PRIMPOL: variants seen among roughly 807,000 people sequenced by gnomAD.
PRIMPOL encodes the protein primase and DNA directed polymerase.
In PRIMPOL, 54 loss-of-function variants were observed where a neutral mutation model predicts 63.6. The observed-to-expected ratio is 0.85, with a 90% confidence interval of 0.68 to 1.07. The LOEUF is 1.07. PRIMPOL is among the 50% of genes least tolerant of loss of function. The probability of loss-of-function intolerance (pLI) is 0.00; values close to 1 mark genes in which losing one functional copy is unlikely to be tolerated. For missense variants in PRIMPOL, 610 were observed against 648.3 expected (o/e 0.94, Z 0.64); for synonymous variants, 197 against 220.2 (o/e 0.89, Z 0.93).
intron 7 of PRIMPOL, among the ~76,000 whole-genome samples, chr4:184,673,700 G>A (rs145631827): frequency 2.6e-5 from 4 of 152,316 alleles, no homozygotes; most frequent in Non-Finnish European, 4.4e-5. Context: ...TGGGATTACA[G>A]GTGTGAGCCA....
rs575848211 is a variant in PRIMPOL at position 184,677,200 on chromosome 4, G to A, written c.845-1032G>A. On this transcript the variant is annotated intron_variant, in intron 7 of 13. Transcript: ENST00000314970. Reference sequence around the variant, plus strand: ...CTGCTATGTTGCCCAGGCCTCAAGCGATCCTCCTGTTGTGGCCTCCCATAA... The same window carrying A: ...CTGCTATGTTGCCCAGGCCTCAAGCAATCCTCCTGTTGTGGCCTCCCATAA... Among the ~76,000 whole-genome samples, 3 of 151,348 alleles carry A rather than the reference G, an allele frequency of 2.0e-5. No individual in the cohort carries two copies. In the South Asian group the frequency reaches 6.3e-4, roughly 32 times the overall value.
At position 184,654,452 on chromosome 4, in the gene PRIMPOL, A is replaced by AGTTTTTTTTTTTG. The variant is rs1553985953; in HGVS notation, c.-60+2364_-60+2365insGGTTTTTTTTTTT. Among the ~76,000 whole-genome samples the AGTTTTTTTTTTTG allele has an allele frequency of 6.3e-5, 8 of 126,576 alleles. 1 individual carries two copies. Among genetic ancestry groups the AGTTTTTTTTTTTG allele is most frequent in the Non-Finnish European group, 1.1e-4 (7 of 61,502 alleles). 83.0% of individuals were successfully genotyped at this position (126,576 alleles called of 152,430 possible). A position where few individuals can be genotyped will look rare whatever the true frequency, so the allele number is the denominator to read the frequency against. Reference sequence around the variant, plus strand: ...TCACTTTGTATTGACAAGTTAAAGCAGTTTTTTTTTTTTTTTGAGACAGAG... The same window carrying AGTTTTTTTTTTTG: ...TCACTTTGTATTGACAAGTTAAAGCAGTTTTTTTTTTTGGTTTTTTTTTTTTTTTGAGACAGAG... On this transcript the variant is annotated intron_variant, in intron 2 of 13. Transcript: ENST00000314970.
At chr4:184,659,757 A>C (rs1174507349) in intron 4 of PRIMPOL, among the ~76,000 whole-genome samples, 1 of 152,166 alleles carries the variant, frequency 6.6e-6, no homozygotes, top group Non-Finnish European at 1.5e-5. Context: ...CTAGTAATGA[A>C]ATATCTGCTT....
In PRIMPOL at chr4:184,691,581, TG is replaced by T; in HGVS notation, c.1378+1del. The T allele has an allele frequency of 6.2e-7, 1 of 1,604,796 alleles. No individual in the cohort carries two copies. The highest frequency in any genetic ancestry group is 8.5e-7 in the Non-Finnish European group (1 of 1,172,638). ...TAAAGCAGAAAACTTCAAATCTGACTGTAAGTTACTAATTTTTACATTTACC... is the reference window on the plus strand; with the variant it reads ...TAAAGCAGAAAACTTCAAATCTGACTTAAGTTACTAATTTTTACATTTACC... On this transcript the variant is annotated splice_donor_variant, in intron 12 of 13. Transcript: ENST00000314970. LOFTEE classifies it high-confidence loss of function.
intron 2 of PRIMPOL, among the ~76,000 whole-genome samples, chr4:184,653,566 G>A (rs1471596520): frequency 6.6e-6 from 1 of 152,190 alleles, no homozygotes; most frequent in Non-Finnish European, 1.5e-5. Context: ...TGGCCAGGCT[G>A]GTCTCGAACT....
chr4:184,694,854 T>C lies in PRIMPOL; in HGVS notation c.*75T>C. ...CTGTGAGATTTGATAAATATATCATTCAACCTGTTTATATAAACTAAGTTT... is the reference window on the plus strand; with the variant it reads ...CTGTGAGATTTGATAAATATATCATCCAACCTGTTTATATAAACTAAGTTT... On this transcript the variant is annotated 3_prime_UTR_variant, in exon 14 of 14. Transcript: ENST00000314970. The C allele has an allele frequency of 2.0e-5, 25 of 1,270,844 alleles. No individual in the cohort carries two copies. Among genetic ancestry groups the C allele is most frequent in the Non-Finnish European group, 2.7e-5 (24 of 905,560 alleles). 78.7% of individuals were successfully genotyped at this position (1,270,844 alleles called of 1,614,324 possible).
At chr4:184,677,738 A>AT (rs543284692) in intron 7 of PRIMPOL, among the ~76,000 whole-genome samples, 92 of 152,334 alleles carry the variant, frequency 6.0e-4, no homozygotes, top group Non-Finnish European at 7.8e-4. Context: ...GAGAACTGAC[A>AT]TTTTTATAAT....
In PRIMPOL at chr4:184,666,472, A is replaced by G. The variant is rs532509564; in HGVS notation, c.556+408A>G. 2.6e-5 allele frequency among the ~76,000 whole-genome samples: 4 copies of G among 152,306 alleles called. No individual in the cohort carries two copies. In the East Asian group the frequency reaches 7.7e-4, roughly 29 times the overall value. ...AGTGAGACCCTGTCTCAAAAAAAATAATGGCAATGTGTTTCTTCATGTTTT... is the reference window on the plus strand; with the variant it reads ...AGTGAGACCCTGTCTCAAAAAAAATGATGGCAATGTGTTTCTTCATGTTTT... On this transcript the variant is annotated intron_variant, in intron 6 of 13. Transcript: ENST00000314970.
intron 5 of PRIMPOL, 35 bp from the exon 6 acceptor site, chr4:184,665,882 A>C (rs751208138): frequency 7.0e-7 from 1 of 1,431,670 alleles, no homozygotes; most frequent in South Asian, 1.4e-5. Flanking sequence ...TAAAACAAAA[A>C]ATATAAATTA....
chr4:184,665,795 A>G (rs775638039), intron 5 of PRIMPOL, 122 bp from the exon 6 acceptor site: 4 of 592,384 alleles, frequency 6.8e-6, no homozygotes, highest in African/African-American at 1.9e-5. Context: ...ATGAGCCACC[A>G]CGCCTGATCA....
intron 11 of PRIMPOL, 136 bp from the exon 12 acceptor site, chr4:184,691,363 C>A: frequency 1.6e-6 from 1 of 618,530 alleles, no homozygotes; most frequent in Non-Finnish European, 2.8e-6. Context: ...TGGTATGTAT[C>A]TATCCTTATC....
At chr4:184,669,123 T>C (rs1466064915) in intron 6 of PRIMPOL, among the ~76,000 whole-genome samples, 1 of 152,196 alleles carries the variant, frequency 6.6e-6, no homozygotes, top group African/African-American at 2.4e-5. Context: ...TTTAGGGACT[T>C]GTCCTAAGGC....
At chr4:184,673,714 C>T (rs891406089) in intron 7 of PRIMPOL, among the ~76,000 whole-genome samples, 20 of 152,296 alleles carry the variant, frequency 1.3e-4, no homozygotes, top group South Asian at 1.0e-3. Flanking sequence ...TGAGCCACTG[C>T]GCCCGCCAGA....
In PRIMPOL at chr4:184,694,825, A is replaced by C; in HGVS notation, c.*46A>C. ...TTGTCACCAGGCTATAATTTGCCTG[A>C]TGTCTGTGAGATTTGATAAATATAT... On this transcript the variant is annotated 3_prime_UTR_variant, in exon 14 of 14. Transcript: ENST00000314970. The C allele has an allele frequency of 6.7e-7, 1 of 1,486,228 alleles. No homozygotes were observed. The allele number at this position is 1,486,228 out of a possible 1,614,324, so 92.1% of individuals were successfully genotyped here. A position where few individuals can be genotyped will look rare whatever the true frequency, so the allele number is the denominator to read the frequency against.
chr4:184,666,450 G>A (rs1227277642), intron 6 of PRIMPOL, among the ~76,000 whole-genome samples: 1 of 152,166 alleles, frequency 6.6e-6, no homozygotes, highest in Non-Finnish European at 1.5e-5. Flanking sequence ...GCAACAGAGT[G>A]AGACCCTGTC....
chr4:184,666,009 C>T lies in PRIMPOL; in HGVS notation c.501C>T (p.Ser167=), dbSNP rs1164496861. 4 of 1,608,860 alleles carry T rather than the reference C, an allele frequency of 2.5e-6. No individual in the cohort carries two copies. Among genetic ancestry groups the T allele is most frequent in the South Asian group, 1.1e-5 (1 of 90,618 alleles). ...ATTCTAGCACTGATGAAAAATTCAG[C>T]CGGCATTTAATATTTCAGCTCCATG... ...NLDSSTDEKF[S]RHLIFQLHDV... is the part of the protein sequence containing the mutation. The change falls in exon 6 of 14, where the codon AGC becomes AGT. Residue 167 remains serine (S), a synonymous_variant. Coordinates refer to ENST00000314970, the MANE Select transcript of PRIMPOL (RefSeq NM_152683.4).
intron 3 of PRIMPOL, 32 bp from the exon 4 acceptor site, chr4:184,659,308 A>G (rs1287844109): frequency 6.4e-7 from 1 of 1,556,978 alleles, no homozygotes; most frequent in Non-Finnish European, 8.9e-7. Flanking sequence ...CATTTTGTGA[A>G]TTTTTCTGAA....
At chr4:184,682,432 T>C in intron 9 of PRIMPOL, 96 bp downstream of exon 9, 1 of 637,462 alleles carries the variant, frequency 1.6e-6, no homozygotes, top group South Asian at 1.9e-5. Context: ...CACTGCAGCC[T>C]CCTCCTCCCA....
intron 8 of PRIMPOL, among the ~76,000 whole-genome samples, chr4:184,681,724 G>T (rs1755679532): frequency 6.6e-6 from 1 of 151,976 alleles, no homozygotes; most frequent in African/African-American, 2.4e-5. Flanking sequence ...ACAGGCGTTT[G>T]CCACCATGCC....
Sources: allele counts gnomAD v4.1 joint callset (sites outside exome capture counted in the v4.1 genomes callset), GRCh38; gene constraint gnomAD v4.1.1; transcripts MANE v1.5; gene names NCBI Gene and HGNC (gene_info 2026-07-23, HGNC 2026-07-21).